The following ROBO2 variants were observed in gnomAD, a reference collection of about 807,000 sequenced individuals.
ROBO2 encodes the protein roundabout homolog 2.
Under a neutral mutation model 160.8 loss-of-function variants are expected in ROBO2, and 53 were observed. The ratio of observed to expected loss-of-function variants is 0.33; its 90% confidence interval spans 0.26 to 0.41. The LOEUF is 0.41. ROBO2 is among the 10% of genes least tolerant of loss of function. ROBO2 has a pLI of 1.00. For missense variants in ROBO2, 1,577 were observed against 1,722.4 expected (o/e 0.92, Z 1.49); for synonymous variants, 664 against 611.7 (o/e 1.09, Z -1.26).
chr3:77,447,084 T>A (rs2080605983), intron 2 of ROBO2, among the ~76,000 whole-genome samples: 1 of 152,112 alleles, frequency 6.6e-6, no homozygotes, highest in African/African-American at 2.4e-5. Context: ...CAGAGTTTGA[T>A]AAAAGGAAAA....
intron 2 of ROBO2, among the ~76,000 whole-genome samples, chr3:77,462,088 CTT>C (rs1476501180): frequency 6.6e-6 from 1 of 152,096 alleles, no homozygotes; most frequent in African/African-American, 2.4e-5. Flanking sequence ...AGAAAAATAA[CTT>C]TTTATAAAAT....
chr3:76,003,495 C>T (rs2065943622), intron 2 of ROBO2, among the ~76,000 whole-genome samples: 1 of 152,198 alleles, frequency 6.6e-6, no homozygotes, highest in Non-Finnish European at 1.5e-5. Context: ...AAAGAATCCT[C>T]AGCCATCCAC....
intron 2 of ROBO2, among the ~76,000 whole-genome samples, chr3:76,652,916 C>T (rs180675665): frequency 3.7e-4 from 57 of 152,156 alleles, no homozygotes; most frequent in Non-Finnish European, 6.8e-4. Flanking sequence ...TATTTTTCTA[C>T]ATATGGGACC....
chr3:77,493,872 G>A (rs1419473959), intron 5 of ROBO2, among the ~76,000 whole-genome samples: 2 of 152,094 alleles, frequency 1.3e-5, no homozygotes, highest in South Asian at 2.1e-4. Flanking sequence ...CAAGTAGTTG[G>A]CATCATTTTT....
intron 3 of ROBO2, among the ~76,000 whole-genome samples, chr3:77,478,675 T>C (rs530274800): frequency 2.0e-5 from 3 of 152,292 alleles, no homozygotes; most frequent in Non-Finnish European, 4.4e-5. Flanking sequence ...TTAAGATAAT[T>C]TCTCATTTGA....
intron 2 of ROBO2, among the ~76,000 whole-genome samples, chr3:76,289,306 G>A (rs1708686738): frequency 6.6e-6 from 1 of 152,146 alleles, no homozygotes; most frequent in Non-Finnish European, 1.5e-5. Context: ...TTTGAGACGT[G>A]TCTGTTTACA....
intron 2 of ROBO2, among the ~76,000 whole-genome samples, chr3:76,169,804 C>G (rs1185547450): frequency 6.6e-6 from 1 of 151,930 alleles, no homozygotes; most frequent in African/African-American, 2.4e-5. Context: ...TTTTTTGAGA[C>G]GGAGCCTCAC....
chr3:77,535,682 G>A (rs910135464), intron 6 of ROBO2, among the ~76,000 whole-genome samples: 144 of 152,116 alleles, frequency 9.5e-4, no homozygotes, highest in Non-Finnish European at 9.4e-4. Context: ...ATAAAGGCAG[G>A]TAGAAAAGCA....
intron 2 of ROBO2, among the ~76,000 whole-genome samples, chr3:76,794,796 C>T (rs1320618591): frequency 6.6e-6 from 1 of 152,004 alleles, no homozygotes; most frequent in Non-Finnish European, 1.5e-5. Flanking sequence ...ACAAGCATTT[C>T]TATTCTGGCT....
At chr3:76,322,196 AT>A (rs1251307154) in intron 2 of ROBO2, among the ~76,000 whole-genome samples, 5 of 104,760 alleles carry the variant, frequency 4.8e-5, no homozygotes, top group Admixed American at 1.9e-4. Context: ...ATATATATAT[AT>A]ATATATAATA....
chr3:76,256,149 T>A (rs1291083212), intron 2 of ROBO2, among the ~76,000 whole-genome samples: 2 of 151,080 alleles, frequency 1.3e-5, no homozygotes, highest in South Asian at 2.1e-4. Flanking sequence ...AAATGAAAAA[T>A]AATAATAAAA....
intron 21 of ROBO2, among the ~76,000 whole-genome samples, chr3:77,612,962 G>GA (rs1328882357): frequency 7.3e-5 from 11 of 151,292 alleles, no homozygotes; most frequent in South Asian, 4.2e-4. Context: ...CAAAAAAAAA[G>GA]AAAAAAAATA....
chr3:77,522,332 G>A (rs982095563), intron 5 of ROBO2, among the ~76,000 whole-genome samples: 1 of 151,136 alleles, frequency 6.6e-6, no homozygotes, highest in South Asian at 2.1e-4. Context: ...ACAAATAAGA[G>A]AAAAATTTTG....
At chr3:76,661,102 C>T (rs544420412) in intron 2 of ROBO2, among the ~76,000 whole-genome samples, 1 of 152,018 alleles carries the variant, frequency 6.6e-6, no homozygotes, top group Admixed American at 6.6e-5. Context: ...CCATAAAAAC[C>T]ACATTATCCA....
chr3:76,596,709 T>G (rs1166189424), intron 2 of ROBO2, among the ~76,000 whole-genome samples: 1 of 152,110 alleles, frequency 6.6e-6, no homozygotes, highest in Admixed American at 6.6e-5. Context: ...TGATGTCTCT[T>G]AGCCCTCCTG....
chr3:77,211,838 T>G (rs1457916080), intron 2 of ROBO2, among the ~76,000 whole-genome samples: 1 of 152,206 alleles, frequency 6.6e-6, no homozygotes, highest in African/African-American at 2.4e-5. Flanking sequence ...GGGAATCCTT[T>G]CCCCATTGCT....
chr3:76,937,290 C>T (rs1386741629), intron 2 of ROBO2, among the ~76,000 whole-genome samples: 1 of 151,998 alleles, frequency 6.6e-6, no homozygotes, highest in East Asian at 1.9e-4. Flanking sequence ...TGCTATGCTA[C>T]CTTTTAAATG....
At position 77,393,483 on chromosome 3, in the gene ROBO2, A is replaced by C. The variant is rs530227074; in HGVS notation, c.389-83931A>C. 1.9e-4 allele frequency among the ~76,000 whole-genome samples: 29 copies of C among 151,608 alleles called. No individual in the cohort carries two copies. In the South Asian group the frequency reaches 2.9e-3, roughly 15 times the overall value. Reference sequence around the variant, plus strand: ...CAGAAGAAAAGTTACCTATGATAACAGTACCACAAAATGACTAGCACAGAG... The same window carrying C: ...CAGAAGAAAAGTTACCTATGATAACCGTACCACAAAATGACTAGCACAGAG... On this transcript the variant is annotated intron_variant, in intron 2 of 25. Transcript: ENST00000461745.
chr3:77,393,582 AT>A (rs1301342477), intron 2 of ROBO2, among the ~76,000 whole-genome samples: 1 of 148,638 alleles, frequency 6.7e-6, no homozygotes, highest in African/African-American at 2.4e-5. Context: ...TAATTATAAT[AT>A]ATAGTAATAT....
Sources: allele counts gnomAD v4.1 joint callset (sites outside exome capture counted in the v4.1 genomes callset), GRCh38; gene constraint gnomAD v4.1.1; transcripts MANE v1.5; gene names NCBI Gene and HGNC (gene_info 2026-07-23, HGNC 2026-07-21).